Variants in POLR1C observed in about 807,000 individuals in gnomAD.
POLR1C encodes the protein RNA polymerase I and III subunit C.
A neutral mutation model predicts 38.3 loss-of-function variants in POLR1C; 42 were observed. The observed-to-expected ratio is 1.10, with a 90% CI of 0.86 to 1.42. The LOEUF (loss-of-function observed/expected upper bound fraction) is 1.42, where lower values mean the gene tolerates loss of function less well. Among genes scored for constraint, POLR1C ranks in the 40% most tolerant of loss-of-function variants. POLR1C has a pLI of 0.00. For synonymous variants in POLR1C, 163 were observed against 163.9 expected, an observed-to-expected ratio of 0.99 and a Z score of 0.04; for missense variants, 507 against 450.5, an observed-to-expected ratio of 1.13 and a Z score of -1.14.
chr6:43,535,193 G>C (rs1405932945), intron 9 of POLR1C, among the ~76,000 whole-genome samples: 1 of 151,610 alleles, frequency 6.6e-6, no homozygotes, highest in Non-Finnish European at 1.5e-5. Flanking sequence ...TCGGGAGGCT[G>C]AGCTTGCAGT....
At chr6:43,548,492 G>A (rs750968633) in intron 9 of POLR1C, 3 of 1,471,690 alleles carry the variant, frequency 2.0e-6, no homozygotes, top group South Asian at 1.5e-5. Flanking sequence ...AGCCAGAGGT[G>A]GTAAAGGTCT....
chr6:43,536,129 C>A (rs1475317318), intron 9 of POLR1C, among the ~76,000 whole-genome samples: 1 of 147,500 alleles, frequency 6.8e-6, no homozygotes, highest in East Asian at 2.1e-4. Context: ...TCATTCGCTA[C>A]CCTGGCCAGG....
downstream of POLR1C, chr6:43,524,685 C>T: frequency 6.3e-7 from 1 of 1,596,434 alleles, no homozygotes; most frequent in Non-Finnish European, 8.5e-7. Flanking sequence ...GATATTGCCA[C>T]CCTCCCCATT....
chr6:43,517,128 G>C lies in POLR1C; in HGVS notation c.19G>C (p.Val7Leu), dbSNP rs775143492. ...ATTGAAGATGGCGGCTTCTCAGGCGGTGGAGGAAATGCGGAGCCGCGTGGT... is the reference window on the plus strand; with the variant it reads ...ATTGAAGATGGCGGCTTCTCAGGCGCTGGAGGAAATGCGGAGCCGCGTGGT... MAASQA[V>L]EEMRSRVVLG... Residue 7 changes from valine (V) to leucine (L), a missense_variant, in exon 1 of 9, where the codon GTG (valine) becomes CTG (leucine). Transcript: ENST00000642195. 2 of 1,614,112 alleles carry C rather than the reference G, an allele frequency of 1.2e-6. No homozygotes were observed. Among genetic ancestry groups the C allele is most frequent in the Non-Finnish European group, 8.5e-7 (1 of 1,180,038 alleles).
At chr6:43,535,992 G>T (rs538057908) in intron 9 of POLR1C, among the ~76,000 whole-genome samples, 2 of 150,268 alleles carry the variant, frequency 1.3e-5, no homozygotes, top group Non-Finnish European at 3.0e-5. Flanking sequence ...GTATGGCGGT[G>T]CATGCCTGTA....
chr6:43,555,866 A>C, intron 10 of POLR1C: 1 of 1,613,986 alleles, frequency 6.2e-7, no homozygotes, highest in Non-Finnish European at 8.5e-7. Context: ...AGAAAAGTTG[A>C]TAGTTGATAC....
At chr6:43,538,945 G>T in intron 9 of POLR1C, 1 of 1,331,744 alleles carries the variant, frequency 7.5e-7, no homozygotes, top group Non-Finnish European at 1.1e-6. Context: ...TCCAGAGGTC[G>T]GGGGTCAGGT....
intron 9 of POLR1C, among the ~76,000 whole-genome samples, chr6:43,539,886 T>C (rs368893653): frequency 6.6e-5 from 10 of 152,394 alleles, no homozygotes; most frequent in East Asian, 3.8e-4. Context: ...TCTCTTTAGG[T>C]TTTCTATCTT....
rs574803059 is a variant in POLR1C at position 43,520,777 on chromosome 6, A to G, written c.805+3A>G. On this transcript the variant is annotated splice_donor_region_variant and intron_variant, in intron 7 of 8. Transcript: ENST00000642195. ...TATTGAGGTGCAGGAAGTCCAAGGT[A>G]TGGTATTTGGGATGCTGTTCAAGTT... 3 of 1,613,594 alleles carry G rather than the reference A, an allele frequency of 1.9e-6. No homozygotes were observed. The highest frequency in any genetic ancestry group is 2.5e-6 in the Non-Finnish European group (3 of 1,179,938).
rs199534486 is a variant in POLR1C, at chr6:43,520,231, G to A, written c.503-44G>A. 8.7e-6 allele frequency: 14 copies of A among 1,613,898 alleles called. No individual in the cohort carries two copies. In the Admixed American group the frequency reaches 2.2e-4, roughly 25 times the overall value. The stretch of plus-strand genomic sequence containing the variant: ...GAAGAGGCCCCACCTGTGGGTAGCT[G>A]CTAGTTTTAGGGACTGAGATCTTCT... On this transcript the variant is annotated intron_variant, in intron 5 of 8. Coordinates refer to ENST00000642195, the MANE Select transcript of POLR1C (RefSeq NM_203290.4).
intron 9 of POLR1C, chr6:43,550,044 C>T: frequency 8.7e-7 from 1 of 1,148,998 alleles, no homozygotes; most frequent in East Asian, 2.5e-5. Flanking sequence ...GATTCTCCTG[C>T]TTTAGCCTTC....
downstream of POLR1C, chr6:43,526,158 C>T (rs1793574449): frequency 7.8e-6 from 4 of 514,900 alleles, no homozygotes; most frequent in African/African-American, 7.7e-5. Flanking sequence ...ACACAAAATG[C>T]TGCAAATACT....
downstream of POLR1C, among the ~76,000 whole-genome samples, chr6:43,531,850 G>C (rs1380496976): frequency 6.6e-6 from 1 of 151,968 alleles, no homozygotes; most frequent in Non-Finnish European, 1.5e-5. Flanking sequence ...CAACTCAAAA[G>C]TATTTTTCCA....
downstream of POLR1C, among the ~76,000 whole-genome samples, chr6:43,532,729 T>TC (rs748980631): frequency 1.2e-3 from 183 of 152,356 alleles, 1 homozygote; most frequent in Non-Finnish European, 1.9e-3. Flanking sequence ...GGGTTAGGTC[T>TC]CCCGATAAAC....
intron 10 of POLR1C, chr6:43,560,817 C>T: frequency 1.0e-6 from 1 of 954,858 alleles, no homozygotes. Flanking sequence ...TCCCCAAGGC[C>T]TGAAGAGTCA....
downstream of POLR1C, chr6:43,523,911 A>G: frequency 6.2e-7 from 1 of 1,614,036 alleles, no homozygotes; most frequent in Non-Finnish European, 8.5e-7. Flanking sequence ...ATCATTGTCC[A>G]GCACCTCCGT....
chr6:43,558,465 G>T, intron 10 of POLR1C: 1 of 1,533,734 alleles, frequency 6.5e-7, no homozygotes, highest in Non-Finnish European at 8.8e-7. Flanking sequence ...GCCATTCTGA[G>T]ACTGTTGAGA....
chr6:43,526,291 G>C, downstream of POLR1C: 1 of 359,078 alleles, frequency 2.8e-6, no homozygotes, highest in Non-Finnish European at 5.2e-6. Context: ...ATGGGAGATA[G>C]GTAAGAAAGG....
intron 4 of POLR1C, 86 bp downstream of exon 4, chr6:43,519,924 T>C: frequency 1.3e-6 from 2 of 1,543,262 alleles, no homozygotes; most frequent in Non-Finnish European, 1.8e-6. Flanking sequence ...CTTATCTTTG[T>C]ACATCAGTGT....
Sources: gnomAD v4.1 joint callset for allele counts (sites outside exome capture counted in the v4.1 genomes callset) on GRCh38, gnomAD v4.1.1 for gene constraint, MANE v1.5 for transcripts, NCBI Gene and HGNC (gene_info 2026-07-23, HGNC 2026-07-21) for gene names.